Variants in CELF4 observed in about 807,000 individuals in gnomAD.
CELF4 encodes CUGBP Elav-like family member 4.
Under a neutral mutation model 59.9 loss-of-function variants are expected in CELF4, and 18 were observed. The ratio of observed to expected loss-of-function variants is 0.30; its 90% CI spans 0.21 to 0.45. CELF4 has a LOEUF of 0.45. Ranked by LOEUF, CELF4 falls within the 20% of genes least tolerant of loss-of-function variation. CELF4 has a pLI of 1.00. For missense variants in CELF4, 456 were observed against 689.0 expected (o/e 0.66, Z 3.79); for synonymous variants, 261 against 267.1 (o/e 0.98, Z 0.22).
At chr18:37,552,397 G>A (rs2099983498) in intron 1 of CELF4, among the ~76,000 whole-genome samples, 1 of 152,194 alleles carries the variant, frequency 6.6e-6, no homozygotes, top group Non-Finnish European at 1.5e-5. Context: ...CCCACTCCCT[G>A]CTCTGCAGAA....
chr18:37,293,552 C>T (rs1029720420), intron 3 of CELF4, among the ~76,000 whole-genome samples: 6 of 152,088 alleles, frequency 3.9e-5, no homozygotes, highest in African/African-American at 1.4e-4. Flanking sequence ...CCAAATAAGG[C>T]CATGTTCACA....
intron 2 of CELF4, among the ~76,000 whole-genome samples, chr18:37,365,616 G>A (rs8091640): frequency 0.58 from 87,217 of 151,136 alleles, 25,329 homozygotes; most frequent in South Asian, 0.7. Context: ...CTCCTGAGTG[G>A]TTGGGATTAC....
At chr18:37,316,429 T>A (rs576164196) in intron 3 of CELF4, among the ~76,000 whole-genome samples, 1 of 152,234 alleles carries the variant, frequency 6.6e-6, no homozygotes, top group South Asian at 2.1e-4. Context: ...CTTCCTTCCC[T>A]ACTTAATTGG....
In CELF4 at chr18:37,506,585, C is replaced by T. The variant is rs554370631; in HGVS notation, c.287-20978G>A. Among the ~76,000 whole-genome samples, 10 of 152,278 alleles carry T rather than the reference C, an allele frequency of 6.6e-5. No homozygotes were observed. In the East Asian group the frequency reaches 7.7e-4, roughly 12 times the overall value. Reference sequence around the variant, plus strand: ...TTGGGCAAACTGGAAGGGTCTCCTGCGGTCACATGGGCCTGGTGTCCTCTC... The same window carrying T: ...TTGGGCAAACTGGAAGGGTCTCCTGTGGTCACATGGGCCTGGTGTCCTCTC... On this transcript the variant is annotated intron_variant, in intron 1 of 12. Transcript: ENST00000420428.
At chr18:37,520,868 A>G (rs2099956539) in intron 1 of CELF4, among the ~76,000 whole-genome samples, 1 of 152,134 alleles carries the variant, frequency 6.6e-6, no homozygotes, top group Non-Finnish European at 1.5e-5. Context: ...CCAGGGCTTC[A>G]GGCTTTGGAA....
intron 3 of CELF4, among the ~76,000 whole-genome samples, chr18:37,282,596 C>T (rs1407989565): frequency 6.6e-6 from 1 of 152,198 alleles, no homozygotes; most frequent in Admixed American, 6.5e-5. Context: ...GGGCAGCATA[C>T]AGCAGCAGAA....
intron 1 of CELF4, among the ~76,000 whole-genome samples, chr18:37,526,979 G>T (rs2099964621): frequency 6.6e-6 from 1 of 152,094 alleles, no homozygotes; most frequent in Non-Finnish European, 1.5e-5. Flanking sequence ...TATAAAATGG[G>T]CAGTAGACCA....
intron 2 of CELF4, among the ~76,000 whole-genome samples, chr18:37,409,279 G>T (rs2099414569): frequency 6.6e-6 from 1 of 152,194 alleles, no homozygotes; most frequent in South Asian, 2.1e-4. Flanking sequence ...TAGGAGCCAG[G>T]GGGCAGCCAA....
intron 11 of CELF4, among the ~76,000 whole-genome samples, chr18:37,257,843 G>A (rs72900310): frequency 0.12 from 18,667 of 152,064 alleles, 1,483 homozygotes; most frequent in Non-Finnish European, 0.16. Flanking sequence ...CTTACGAAAG[G>A]GTCTGGCCCA....
chr18:37,415,044 T>C (rs953790035), intron 2 of CELF4, among the ~76,000 whole-genome samples: 2 of 152,158 alleles, frequency 1.3e-5, no homozygotes, highest in Non-Finnish European at 2.9e-5. Flanking sequence ...TGGAAAGCAG[T>C]GTAAGAGGTA....
intron 2 of CELF4, among the ~76,000 whole-genome samples, chr18:37,343,752 C>T (rs1049333225): frequency 6.6e-6 from 1 of 152,020 alleles, no homozygotes; most frequent in Non-Finnish European, 1.5e-5. Flanking sequence ...TGTTCCGTGC[C>T]CTGCGAACCT....
chr18:37,507,120 C>G (rs1468180980), intron 1 of CELF4, among the ~76,000 whole-genome samples: 1 of 152,186 alleles, frequency 6.6e-6, no homozygotes, highest in African/African-American at 2.4e-5. Flanking sequence ...CCCTACCCTG[C>G]TGGAGAACTG....
intron 2 of CELF4, among the ~76,000 whole-genome samples, chr18:37,444,420 C>T (rs73947215): frequency 0.019 from 2,904 of 152,180 alleles, 79 homozygotes; most frequent in African/African-American, 0.066. Context: ...GAGGAGGCAG[C>T]GGGCATCATC....
intron 2 of CELF4, among the ~76,000 whole-genome samples, chr18:37,332,597 CA>C (rs936664744): frequency 1.8e-4 from 28 of 152,308 alleles, no homozygotes; most frequent in Non-Finnish European, 3.4e-4. Context: ...TTGGCACAAA[CA>C]AAAGAGGTGC....
rs749559579 is a variant in CELF4, at chr18:37,273,119, G to A, written c.846C>T (p.Gly282=). The A allele has an allele frequency of 2.1e-5, 34 of 1,613,386 alleles. No homozygotes were observed. The East Asian group carries it at 4.5e-4, about 21-fold the overall frequency. The change falls in exon 7 of 13, where the codon GGC becomes GGT. Residue 282 remains glycine (G), a synonymous_variant. Coordinates refer to ENST00000420428, the MANE Select transcript of CELF4 (RefSeq NM_020180.4). ...AGGCAGCCATGGGGTTCAGGTAGCC[G>A]CCCTGCGCGACTGATGCCATCAGGG... ...QAALMASVAQ[G]GYLNPMAAFA...
intron 9 of CELF4, among the ~76,000 whole-genome samples, chr18:37,265,110 TGG>T (rs372923405): frequency 2.1e-3 from 319 of 151,440 alleles, no homozygotes; most frequent in African/African-American, 7.4e-3. Context: ...TGCAAGTGTG[TGG>T]GTGTGTGTGT....
At chr18:37,295,394 T>G (rs1373194) in intron 3 of CELF4, among the ~76,000 whole-genome samples, 73,013 of 152,062 alleles carry the variant, frequency 0.48, 17,943 homozygotes, top group South Asian at 0.62. Flanking sequence ...GGCAGGTAGA[T>G]AAGGGGTTTG....
intron 3 of CELF4, among the ~76,000 whole-genome samples, chr18:37,293,945 C>T (rs1420095567): frequency 6.6e-6 from 1 of 152,150 alleles, no homozygotes; most frequent in Non-Finnish European, 1.5e-5. Flanking sequence ...CTAAAACCAA[C>T]CAACTAGCAA....
chr18:37,429,107 C>A (rs1786815), intron 2 of CELF4, among the ~76,000 whole-genome samples: 70,983 of 152,080 alleles, frequency 0.47, 18,429 homozygotes, highest in Non-Finnish European at 0.57. Context: ...TAAGGAATAT[C>A]GGAACACTGG....
Sources: allele counts gnomAD v4.1 joint callset (sites outside exome capture counted in the v4.1 genomes callset), GRCh38; gene constraint gnomAD v4.1.1; transcripts MANE v1.5; gene names NCBI Gene and HGNC (gene_info 2026-07-23, HGNC 2026-07-21).